Variants in KBTBD12 observed in about 807,000 individuals in gnomAD.
KBTBD12 encodes kelch repeat and BTB domain containing 12.
KBTBD12 carries 53 observed loss-of-function variants against 58.7 expected under a neutral mutation model. The observed-to-expected ratio is 0.90, with a 90% CI of 0.72 to 1.14. The LOEUF (loss-of-function observed/expected upper bound fraction) is 1.14. KBTBD12 is among the 50% of genes most tolerant of loss of function. KBTBD12 has a pLI of 0.00. For missense variants in KBTBD12, 704 were observed against 751.3 expected (o/e 0.94, Z 0.74); for synonymous variants, 236 against 259.8 (o/e 0.91, Z 0.88).
rs1940208112 is a variant in KBTBD12 at position 127,951,707 on chromosome 3, C to T, written c.1493-11482C>T. ...CAAGACAGACCATCAGGGATTGTCC[C>T]AATATTCATCACCATTGTTAATTTT... On this transcript the variant is annotated intron_variant, in intron 4 of 5. Transcript: ENST00000405109. Among the ~76,000 whole-genome samples the T allele has an allele frequency of 2.0e-5, 3 of 152,274 alleles. No individual in the cohort carries two copies. In the South Asian group the frequency reaches 6.2e-4, roughly 32 times the overall value.
chr3:127,960,615 T>C (rs551963270), intron 4 of KBTBD12, among the ~76,000 whole-genome samples: 3 of 152,264 alleles, frequency 2.0e-5, no homozygotes, highest in Non-Finnish European at 4.4e-5. Context: ...TTTCATTTGA[T>C]TATTTACCTA....
At chr3:127,950,400 C>T (rs1251539237) in intron 4 of KBTBD12, among the ~76,000 whole-genome samples, 1 of 152,084 alleles carries the variant, frequency 6.6e-6, no homozygotes, top group Non-Finnish European at 1.5e-5. Context: ...AGTTTGGCCT[C>T]TCAGAATTGA....
At position 127,925,555 on chromosome 3, in the gene KBTBD12, C is replaced by T. The variant is rs114338098; in HGVS notation, c.1070+1424C>T. ...GTGTCTTTCAGTTTTGGTCCTCAGA[C>T]GTCTTTCCTTTTAACTTATTGAGAG... On this transcript the variant is annotated intron_variant, in intron 2 of 5. Coordinates refer to ENST00000405109, the MANE Select transcript of KBTBD12 (RefSeq NM_207335.4). Among the ~76,000 whole-genome samples the T allele has an allele frequency of 6.8e-3, 1,042 of 152,262 alleles. 7 individuals carry two copies. Among genetic ancestry groups the T allele is most frequent in the Non-Finnish European group, 0.012 (821 of 68,014 alleles).
At chr3:127,958,265 G>A (rs958203996) in intron 4 of KBTBD12, among the ~76,000 whole-genome samples, 4 of 152,048 alleles carry the variant, frequency 2.6e-5, no homozygotes, top group African/African-American at 9.7e-5. Context: ...TGAGAGGAGG[G>A]CTGTGGTGAC....
chr3:127,933,555 A>T (rs1172389492), intron 4 of KBTBD12, among the ~76,000 whole-genome samples: 1 of 152,136 alleles, frequency 6.6e-6, no homozygotes. Context: ...AGCTGCATAA[A>T]CATGCAGCGC....
chr3:127,952,293 C>T (rs1417746753), intron 4 of KBTBD12, among the ~76,000 whole-genome samples: 1 of 152,112 alleles, frequency 6.6e-6, no homozygotes, highest in Non-Finnish European at 1.5e-5. Context: ...TTTAAAATAT[C>T]TCAGTCATTA....
chr3:127,920,806 T>C (rs1208838581), intron 1 of KBTBD12, among the ~76,000 whole-genome samples: 4 of 152,126 alleles, frequency 2.6e-5, no homozygotes, highest in Non-Finnish European at 5.9e-5. Flanking sequence ...TTGTGATTTA[T>C]ATGCATCTTT....
intron 4 of KBTBD12, among the ~76,000 whole-genome samples, chr3:127,932,786 C>T (rs2217628): frequency 0.19 from 29,217 of 152,056 alleles, 3,255 homozygotes; most frequent in South Asian, 0.38. Context: ...ATAATTCCTA[C>T]AATGTAAGTG....
At chr3:127,976,562 G>A (rs1940786717) in intron 5 of KBTBD12, among the ~76,000 whole-genome samples, 1 of 152,182 alleles carries the variant, frequency 6.6e-6, no homozygotes, top group African/African-American at 2.4e-5. Flanking sequence ...GAGGCAAACT[G>A]TGTCTCTCTG....
chr3:127,940,555 G>A (rs999647235), intron 4 of KBTBD12, among the ~76,000 whole-genome samples: 3 of 152,066 alleles, frequency 2.0e-5, no homozygotes, highest in Admixed American at 6.5e-5. Context: ...ATCAAAGTTC[G>A]AAGAGTACTG....
intron 4 of KBTBD12, among the ~76,000 whole-genome samples, chr3:127,948,120 T>C (rs1940123671): frequency 6.6e-6 from 1 of 152,246 alleles, no homozygotes; most frequent in Non-Finnish European, 1.5e-5. Context: ...GAATGGAACC[T>C]CAAAGAGGTT....
At chr3:127,980,361 G>A (rs1177223137) in intron 5 of KBTBD12, among the ~76,000 whole-genome samples, 2 of 151,960 alleles carry the variant, frequency 1.3e-5, no homozygotes, top group Non-Finnish European at 2.9e-5. Context: ...ATGGAGTCTC[G>A]CTCTGTCGCG....
At chr3:127,930,018 A>C in intron 3 of KBTBD12, 115 bp from the exon 4 acceptor site, 4 of 824,128 alleles carry the variant, frequency 4.9e-6, no homozygotes, top group Non-Finnish European at 7.6e-6. Context: ...AGTATGAGTC[A>C]CTGCAGTTAA....
chr3:127,925,340 C>T (rs1199325732), intron 2 of KBTBD12, among the ~76,000 whole-genome samples: 1 of 152,154 alleles, frequency 6.6e-6, no homozygotes, highest in Non-Finnish European at 1.5e-5. Context: ...GCCTTGACTT[C>T]CTGATGTGGT....
In KBTBD12 at chr3:127,930,247, A is replaced by G. The variant is rs1366543475; in HGVS notation, c.1456A>G (p.Ser486Gly). 6.2e-7 allele frequency: 1 copy of G among 1,611,718 alleles called. No individual in the cohort carries two copies. Among genetic ancestry groups the G allele is most frequent in the African/African-American group, 1.3e-5 (1 of 75,004 alleles). Residue 486 changes from serine (S) to glycine (G), a missense_variant, in exon 4 of 6, where the codon AGT becomes GGT. By Grantham distance (56) the Ser-to-Gly change is moderately conservative. Transcript: ENST00000405109. ...APMKYSKYRF[S>G]TAVVNSEIYV... ...CATGAAGTACTCTAAGTACCGATTC[A>G]GTACAGCTGTAGTCAACAGTGAGAT...
At chr3:127,968,935 T>G (rs1267656173) in intron 5 of KBTBD12, among the ~76,000 whole-genome samples, 1 of 152,188 alleles carries the variant, frequency 6.6e-6, no homozygotes, top group Non-Finnish European at 1.5e-5. Flanking sequence ...GAAAGTAACT[T>G]CCTCAGCCCG....
intron 5 of KBTBD12, among the ~76,000 whole-genome samples, chr3:127,983,760 A>C (rs1408436568): frequency 6.6e-6 from 1 of 151,742 alleles, no homozygotes; most frequent in Non-Finnish European, 1.5e-5. Context: ...TCAAAAAAAA[A>C]ACAGTCTGGC....
chr3:127,945,906 T>C (rs111994873), intron 4 of KBTBD12, among the ~76,000 whole-genome samples: 8,275 of 151,918 alleles, frequency 0.054, 287 homozygotes, highest in East Asian at 0.16. Context: ...CTTGAACTCC[T>C]GGACTCAAAT....
intron 4 of KBTBD12, among the ~76,000 whole-genome samples, chr3:127,950,026 TGA>T (rs1455241805): frequency 6.6e-6 from 1 of 152,220 alleles, no homozygotes; most frequent in Non-Finnish European, 1.5e-5. Context: ...TCTCAGAGTA[TGA>T]GAATTTAAGA....
Sources: allele counts gnomAD v4.1 joint callset (sites outside exome capture counted in the v4.1 genomes callset), GRCh38; gene constraint gnomAD v4.1.1; transcripts MANE v1.5; gene names NCBI Gene and HGNC (gene_info 2026-07-23, HGNC 2026-07-21).